Variants in GAS7 observed in about 807,000 individuals in gnomAD.
GAS7 encodes growth arrest specific 7, also known as growth arrest-specific protein 7.
GAS7 carries 28 observed loss-of-function variants against 71.1 expected under a neutral mutation model. The observed-to-expected ratio is 0.39, with a 90% CI of 0.29 to 0.54. The LOEUF (loss-of-function observed/expected upper bound fraction) is 0.54, where lower values mean the gene tolerates loss of function less well. Ranked by LOEUF, GAS7 falls within the 20% of genes least tolerant of loss-of-function variation. The pLI is 0.62. For missense variants in GAS7, 436 were observed against 627.8 expected (o/e 0.69, Z 3.27); for synonymous variants, 258 against 245.8 (o/e 1.05, Z -0.46).
In GAS7 at chr17:10,048,246, G is replaced by C. The variant is rs182110076; in HGVS notation, c.184-28349C>G. On this transcript the variant is annotated intron_variant, in intron 1 of 13. Coordinates refer to ENST00000432992, the MANE Select transcript of GAS7 (RefSeq NM_201433.2). Reference sequence around the variant, plus strand: ...GAACCAAGGAGGCGGAGGTTGCAGAGAGCGGTGATCGCGCCATTGCAACCT... The same window carrying C: ...GAACCAAGGAGGCGGAGGTTGCAGACAGCGGTGATCGCGCCATTGCAACCT... Among the ~76,000 whole-genome samples the C allele has an allele frequency of 1.4e-3, 216 of 152,378 alleles. 1 individual carries two copies. The highest frequency in any genetic ancestry group is 2.1e-3 in the Non-Finnish European group (145 of 68,038).
intron 2 of GAS7, among the ~76,000 whole-genome samples, chr17:10,002,049 G>C (rs2071287682): frequency 6.6e-6 from 1 of 152,182 alleles, no homozygotes; most frequent in Non-Finnish European, 1.5e-5. Context: ...TTAGCTATCA[G>C]TGCTCAAAGA....
chr17:10,039,775 C>T (rs183825663), intron 1 of GAS7: 8 of 456,126 alleles, frequency 1.8e-5, no homozygotes, highest in South Asian at 3.1e-5. Context: ...TTGGGGAGAC[C>T]GAGGTGACAC....
Position 9,913,419 on chromosome 17 carries a change from C to T in GAS7, c.*3809G>A. 4.3e-6 allele frequency: 1 copy of T among 232,808 alleles called. No individual in the cohort carries two copies. The highest frequency in any genetic ancestry group is 6.1e-5 in the East Asian group (1 of 16,444). The allele number at this position is 232,808 out of a possible 1,614,324, so 14.4% of individuals were successfully genotyped here. On this transcript the variant is annotated 3_prime_UTR_variant, in exon 14 of 14. Transcript: ENST00000432992. ...CTAAACAAGCCAAGGTCGCTGATGTCCTTCGAATGTTATGGCTTGTATTTC... is the reference window on the plus strand; with the variant it reads ...CTAAACAAGCCAAGGTCGCTGATGTTCTTCGAATGTTATGGCTTGTATTTC...
intron 1 of GAS7, among the ~76,000 whole-genome samples, chr17:10,041,158 TA>T (rs563870890): frequency 0.069 from 8,073 of 116,706 alleles, 364 homozygotes; most frequent in African/African-American, 0.15. Flanking sequence ...CAAGACTGCC[TA>T]AAAAAAAAAA....
intron 1 of GAS7, among the ~76,000 whole-genome samples, chr17:10,075,107 C>T (rs575601860): frequency 2.0e-5 from 3 of 152,208 alleles, no homozygotes; most frequent in Non-Finnish European, 4.4e-5. Flanking sequence ...CCTGTAATCC[C>T]AGCACTTTAG....
At chr17:10,068,728 C>T (rs765805100) in intron 1 of GAS7, among the ~76,000 whole-genome samples, 3 of 151,986 alleles carry the variant, frequency 2.0e-5, no homozygotes, top group Non-Finnish European at 4.4e-5. Context: ...CGTACCACTG[C>T]AATCCAGCCT....
At chr17:9,996,567 A>T (rs375453142) in intron 2 of GAS7, among the ~76,000 whole-genome samples, 2,363 of 81,242 alleles carry the variant, frequency 0.029, 29 homozygotes, top group African/African-American at 0.053. Flanking sequence ...AGTATAATTT[A>T]AAAAAAAAAA....
At chr17:10,045,457 GAGGCCGAGGC>G (rs960259617) in intron 1 of GAS7, among the ~76,000 whole-genome samples, 26 of 152,290 alleles carry the variant, frequency 1.7e-4, no homozygotes, top group African/African-American at 6.0e-4. Context: ...AGCATTTTGG[GAGGCCGAGGC>G]AGGTGGATCA....
At chr17:10,014,150 C>T (rs1036679206) in intron 2 of GAS7, among the ~76,000 whole-genome samples, 2 of 152,200 alleles carry the variant, frequency 1.3e-5, no homozygotes, top group Non-Finnish European at 2.9e-5. Context: ...CTAACCTGTT[C>T]CTCCCTTGAA....
intron 2 of GAS7, among the ~76,000 whole-genome samples, chr17:10,015,070 G>A (rs1034479358): frequency 2.0e-5 from 3 of 152,008 alleles, no homozygotes; most frequent in East Asian, 1.9e-4. Flanking sequence ...CAAGAGAATC[G>A]CTTGAACCGG....
At chr17:10,088,504 ACT>A (rs2073546550) in intron 1 of GAS7, among the ~76,000 whole-genome samples, 1 of 151,968 alleles carries the variant, frequency 6.6e-6, no homozygotes, top group Non-Finnish European at 1.5e-5. Context: ...GGCCACTCTG[ACT>A]CTTGTTAAAT....
chr17:9,976,719 A>G (rs569037032), intron 3 of GAS7, among the ~76,000 whole-genome samples: 5 of 152,372 alleles, frequency 3.3e-5, no homozygotes, highest in African/African-American at 9.6e-5. Flanking sequence ...TGAAGCCCCA[A>G]GGCTGAGCAA....
chr17:10,088,167 G>A (rs1436601624), intron 1 of GAS7, among the ~76,000 whole-genome samples: 4 of 151,374 alleles, frequency 2.6e-5, no homozygotes, highest in Non-Finnish European at 5.9e-5. Flanking sequence ...GTTGCAGTGA[G>A]CTGAGATTGC....
intron 1 of GAS7, among the ~76,000 whole-genome samples, chr17:10,096,854 C>T (rs892116323): frequency 7.2e-5 from 11 of 152,382 alleles, no homozygotes; most frequent in East Asian, 3.9e-4. Context: ...GTCCAAAACA[C>T]GCCCTTCTTG....
chr17:10,117,719 C>T (rs965573093), intron 1 of GAS7, among the ~76,000 whole-genome samples: 2 of 152,146 alleles, frequency 1.3e-5, no homozygotes, highest in African/African-American at 4.8e-5. Context: ...CCTGTGAAAA[C>T]AACAGACTAG....
intron 1 of GAS7, among the ~76,000 whole-genome samples, chr17:10,024,913 A>G (rs2072409150): frequency 6.6e-6 from 1 of 152,158 alleles, no homozygotes; most frequent in South Asian, 2.1e-4. Flanking sequence ...CCCATCGATA[A>G]TGACTTTTTA....
chr17:9,982,502 C>A (rs997865450), intron 2 of GAS7, among the ~76,000 whole-genome samples: 2 of 152,184 alleles, frequency 1.3e-5, no homozygotes, highest in Non-Finnish European at 2.9e-5. Flanking sequence ...ACTGGCCGGG[C>A]ACAGTGGCTC....
intron 1 of GAS7, among the ~76,000 whole-genome samples, chr17:10,039,326 T>C (rs1015614995): frequency 4.0e-5 from 6 of 151,446 alleles, no homozygotes; most frequent in African/African-American, 7.3e-5. Flanking sequence ...AGGCTCTCCA[T>C]GTACACCCAG....
chr17:9,978,038 T>C (rs2070274650), intron 3 of GAS7, among the ~76,000 whole-genome samples: 1 of 151,948 alleles, frequency 6.6e-6, no homozygotes, highest in South Asian at 2.1e-4. Context: ...TAGTGGGATC[T>C]TGTCTCTATG....
Sources: allele counts gnomAD v4.1 joint callset (sites outside exome capture counted in the v4.1 genomes callset), GRCh38; gene constraint gnomAD v4.1.1; transcripts MANE v1.5; gene names NCBI Gene and HGNC (gene_info 2026-07-23, HGNC 2026-07-21).